DPP10: variants seen among roughly 807,000 people sequenced by gnomAD.
The protein encoded by DPP10 is dipeptidyl peptidase like 10, also known as inactive dipeptidyl peptidase 10.
Under a neutral mutation model 120.9 loss-of-function variants are expected in DPP10, and 33 were observed. The observed-to-expected ratio is 0.27, with a 90% CI of 0.21 to 0.37. The LOEUF (loss-of-function observed/expected upper bound fraction) is 0.37, where lower values mean the gene tolerates loss of function less well. DPP10 is among the 10% of genes least tolerant of loss of function. The probability of loss-of-function intolerance (pLI) is 1.00; values close to 1 mark genes in which losing one functional copy is unlikely to be tolerated. For synonymous variants in DPP10, 337 were observed against 326.1 expected (o/e 1.03, Z -0.36); for missense variants, 816 against 942.8 (o/e 0.87, Z 1.76).
chr2:114,831,612 C>T (rs920832547), intron 1 of DPP10, among the ~76,000 whole-genome samples: 1 of 151,986 alleles, frequency 6.6e-6, no homozygotes, highest in African/African-American at 2.4e-5. Flanking sequence ...GCAGAAAGCA[C>T]GAGCAATAAA....
At chr2:114,988,764 G>T (rs1700582063) in intron 1 of DPP10, among the ~76,000 whole-genome samples, 4 of 152,020 alleles carry the variant, frequency 2.6e-5, no homozygotes, top group African/African-American at 7.3e-5. Context: ...TTAAATTATA[G>T]AGTTTATACA....
At chr2:115,715,996 A>C (rs1340931049) in intron 7 of DPP10, among the ~76,000 whole-genome samples, 5 of 152,214 alleles carry the variant, frequency 3.3e-5, no homozygotes. Context: ...ATATTTATGC[A>C]ATGGCAAGTG....
chr2:114,718,010 T>C (rs1237661292), intron 1 of DPP10, among the ~76,000 whole-genome samples: 2 of 152,160 alleles, frequency 1.3e-5, no homozygotes, highest in Non-Finnish European at 2.9e-5. Flanking sequence ...AGAACTAGAA[T>C]TGGAGAAATT....
chr2:115,763,198 A>G (rs754459960), intron 12 of DPP10, among the ~76,000 whole-genome samples: 17 of 152,182 alleles, frequency 1.1e-4, no homozygotes, highest in South Asian at 2.1e-4. Context: ...TGAGTTTTGC[A>G]AAGGGAAATA....
At chr2:115,792,305 C>T (rs1684076323) in intron 19 of DPP10, among the ~76,000 whole-genome samples, 1 of 152,052 alleles carries the variant, frequency 6.6e-6, no homozygotes. Flanking sequence ...TATAAAGTCC[C>T]TTAAACAGTG....
rs957383704 is a variant in DPP10 at position 115,772,009 on chromosome 2, T to C, written c.1221+3605T>C. On this transcript the variant is annotated intron_variant, in intron 13 of 25. Coordinates refer to ENST00000410059, the MANE Select transcript of DPP10 (RefSeq NM_020868.6). ...ATATATTTTAGTGGGTTTTTTTTTTTCCTCATTTACAAGAGCTGTCCTTGT... is the reference window on the plus strand; with the variant it reads ...ATATATTTTAGTGGGTTTTTTTTTTCCCTCATTTACAAGAGCTGTCCTTGT... Among the ~76,000 whole-genome samples, 30 of 151,880 alleles carry C rather than the reference T, an allele frequency of 2.0e-4. 1 individual carries two copies. Among genetic ancestry groups the C allele is most frequent in the Admixed American group, 1.9e-3 (29 of 15,238 alleles).
chr2:114,852,262 C>G (rs565101277), intron 1 of DPP10, among the ~76,000 whole-genome samples: 80 of 147,108 alleles, frequency 5.4e-4, no homozygotes, highest in South Asian at 1.3e-3. Flanking sequence ...AAAGATCACC[C>G]CTCTGGCCTT....
chr2:115,187,341 A>T (rs1457324725), intron 1 of DPP10, among the ~76,000 whole-genome samples: 2 of 152,130 alleles, frequency 1.3e-5, no homozygotes, highest in Non-Finnish European at 2.9e-5. Flanking sequence ...CGGCCGGTGC[A>T]AAGATTCTTA....
At chr2:115,682,785 G>C (rs927256856) in intron 5 of DPP10, among the ~76,000 whole-genome samples, 1 of 151,762 alleles carries the variant, frequency 6.6e-6, no homozygotes, top group Non-Finnish European at 1.5e-5. Context: ...AAATAAAAAC[G>C]TGTACTTCAT....
chr2:115,053,377 T>C (rs571966989), intron 1 of DPP10, among the ~76,000 whole-genome samples: 1 of 152,336 alleles, frequency 6.6e-6, no homozygotes, highest in East Asian at 1.9e-4. Flanking sequence ...AGGTCACATA[T>C]TGTACGATTC....
intron 2 of DPP10, among the ~76,000 whole-genome samples, chr2:115,309,662 G>A (rs1290066780): frequency 6.6e-6 from 1 of 152,006 alleles, no homozygotes; most frequent in Non-Finnish European, 1.5e-5. Flanking sequence ...GAAGACATTT[G>A]ACTTTTATTG....
At chr2:115,680,332 T>C (rs1204771741) in intron 5 of DPP10, among the ~76,000 whole-genome samples, 5 of 151,990 alleles carry the variant, frequency 3.3e-5, no homozygotes, top group Non-Finnish European at 7.4e-5. Flanking sequence ...TGAAAATGTA[T>C]TAGTATTCTT....
intron 3 of DPP10, among the ~76,000 whole-genome samples, chr2:115,384,544 A>G (rs10166071): frequency 9.6e-6 from 1 of 104,522 alleles, no homozygotes; most frequent in Admixed American, 1.1e-4. Flanking sequence ...AAAGAAGAAG[A>G]AGGAAGAAGA....
intron 3 of DPP10, among the ~76,000 whole-genome samples, chr2:115,417,735 A>G (rs2104645981): frequency 6.6e-6 from 1 of 152,296 alleles, no homozygotes; most frequent in East Asian, 1.9e-4. Context: ...GCTGCCTATG[A>G]ATTTATGATA....
At chr2:115,399,259 C>T (rs2104465250) in intron 3 of DPP10, among the ~76,000 whole-genome samples, 1 of 152,234 alleles carries the variant, frequency 6.6e-6, no homozygotes, top group East Asian at 1.9e-4. Context: ...TTTTAAATAA[C>T]ACACACAAAA....
chr2:115,743,638 A>ATG (rs1575655400), intron 9 of DPP10, among the ~76,000 whole-genome samples: 1 of 151,232 alleles, frequency 6.6e-6, no homozygotes, highest in Admixed American at 6.8e-5. Context: ...ACTTTACATA[A>ATG]ATCTTTTTAT....
intron 1 of DPP10, among the ~76,000 whole-genome samples, chr2:114,481,023 AG>A (rs1680994400): frequency 6.6e-6 from 1 of 151,538 alleles, no homozygotes; most frequent in Admixed American, 6.6e-5. Flanking sequence ...TAAAGCAGTT[AG>A]GGGAAAAAAA....
intron 1 of DPP10, among the ~76,000 whole-genome samples, chr2:115,154,742 G>C (rs2051785634): frequency 6.6e-6 from 1 of 151,560 alleles, no homozygotes; most frequent in African/African-American, 2.4e-5. Flanking sequence ...ACCACCCCCT[G>C]AGCACACACA....
chr2:114,951,903 C>T (rs980557967), intron 1 of DPP10, among the ~76,000 whole-genome samples: 17 of 151,958 alleles, frequency 1.1e-4, no homozygotes, highest in African/African-American at 2.9e-4. Context: ...CAGTCATTTA[C>T]GAGTTTAATA....
Sources: allele counts gnomAD v4.1 joint callset (sites outside exome capture counted in the v4.1 genomes callset), GRCh38; gene constraint gnomAD v4.1.1; transcripts MANE v1.5; gene names NCBI Gene and HGNC (gene_info 2026-07-23, HGNC 2026-07-21).